Variants in ESF1 observed in about 807,000 individuals in gnomAD.
The protein encoded by ESF1 is ESF1 homolog.
ESF1 carries 58 observed loss-of-function variants against 92.0 expected under a neutral mutation model. That is an observed-to-expected ratio of 0.63 (90% CI 0.51 to 0.78). ESF1 has a LOEUF of 0.78. Among genes scored for constraint, ESF1 ranks in the 30% least tolerant of loss-of-function variants. ESF1 has a pLI of 0.00. For synonymous variants in ESF1, 321 were observed against 313.7 expected, an observed-to-expected ratio of 1.02 and a Z score of -0.24; for missense variants, 922 against 989.1, an observed-to-expected ratio of 0.93 and a Z score of 0.91.
chr20:13,749,789 AC>A (rs1246525223), intron 9 of ESF1, among the ~76,000 whole-genome samples: 1 of 151,486 alleles, frequency 6.6e-6, no homozygotes, highest in East Asian at 2.0e-4. Context: ...CTGGTCTCTA[AC>A]TTCTGACCTC....
rs1217046365 is a variant in ESF1, at chr20:13,738,336, C to A, written c.1829-4494G>T. Among the ~76,000 whole-genome samples the A allele has an allele frequency of 3.5e-5, 5 of 141,182 alleles. No individual in the cohort carries two copies. The Admixed American group carries it at 3.7e-4, about 10-fold the overall frequency. 92.6% of individuals were successfully genotyped at this position (141,182 alleles called of 152,430 possible). A position where few individuals can be genotyped will look rare whatever the true frequency, so the allele number is the denominator to read the frequency against. On this transcript the variant is annotated intron_variant, in intron 9 of 13. Transcript: ENST00000617257. The stretch of plus-strand genomic sequence containing the variant: ...CCTAAACTTTTTTTTTTTTTTGAGA[C>A]AGGGTCTTGCTGTGTTGCCCAGGCT...
At chr20:13,764,334 A>G (rs758012323) in intron 8 of ESF1, among the ~76,000 whole-genome samples, 28 of 152,238 alleles carry the variant, frequency 1.8e-4, no homozygotes, top group Non-Finnish European at 3.7e-4. Context: ...TTGACATGAA[A>G]TTACAACCCG....
At chr20:13,742,086 G>A (rs561753916) in intron 9 of ESF1, among the ~76,000 whole-genome samples, 1 of 152,268 alleles carries the variant, frequency 6.6e-6, no homozygotes, top group African/African-American at 2.4e-5. Context: ...AACATTCATG[G>A]TCAGGTGTGG....
chr20:13,727,640 C>T lies in ESF1; in HGVS notation c.2038+738G>A, dbSNP rs545930575. Among the ~76,000 whole-genome samples the T allele has an allele frequency of 4.6e-5, 7 of 152,186 alleles. No homozygotes were observed. In the South Asian group the frequency reaches 1.4e-3, roughly 32 times the overall value. Reference sequence around the variant, plus strand: ...TTCTGTACTGACTTACCAAGTATGGCCTGAACCTTACCAAACACATTTACA... The same window carrying T: ...TTCTGTACTGACTTACCAAGTATGGTCTGAACCTTACCAAACACATTTACA... On this transcript the variant is annotated intron_variant, in intron 11 of 13. Coordinates refer to ENST00000617257, the MANE Select transcript of ESF1 (RefSeq NM_001276380.2).
intron 9 of ESF1, among the ~76,000 whole-genome samples, chr20:13,748,448 A>G: frequency 7.0e-6 from 1 of 143,816 alleles, no homozygotes; most frequent in Non-Finnish European, 1.5e-5. Context: ...ACACATATAT[A>G]CATATATATA....
chr20:13,780,012 G>A (rs116695256), intron 2 of ESF1, among the ~76,000 whole-genome samples: 2 of 152,156 alleles, frequency 1.3e-5, no homozygotes, highest in African/African-American at 4.8e-5. Flanking sequence ...AAAGGCCCTT[G>A]CACACAGTAA....
intron 9 of ESF1, among the ~76,000 whole-genome samples, chr20:13,744,155 A>G (rs901312334): frequency 2.6e-5 from 4 of 152,234 alleles, no homozygotes. Flanking sequence ...ATAGATTATG[A>G]TTACTCCAAT....
intron 11 of ESF1, among the ~76,000 whole-genome samples, chr20:13,725,792 C>G (rs2049897339): frequency 6.6e-6 from 1 of 152,190 alleles, no homozygotes; most frequent in African/African-American, 2.4e-5. Context: ...TATTTGTACT[C>G]TGATTTCTCT....
At chr20:13,729,947 T>C (rs2049930289) in intron 10 of ESF1, among the ~76,000 whole-genome samples, 1 of 152,202 alleles carries the variant, frequency 6.6e-6, no homozygotes, top group African/African-American at 2.4e-5. Context: ...ATCTAAAACA[T>C]CTCAAGTCAT....
At chr20:13,770,534 G>A (rs1979636155) in intron 6 of ESF1, among the ~76,000 whole-genome samples, 1 of 152,156 alleles carries the variant, frequency 6.6e-6, no homozygotes. Context: ...TTTTTGTAGA[G>A]ACAGGGTCTC....
intron 8 of ESF1, among the ~76,000 whole-genome samples, chr20:13,764,719 C>T (rs981940506): frequency 6.6e-6 from 1 of 152,074 alleles, no homozygotes; most frequent in African/African-American, 2.4e-5. Context: ...GGAAGTGGAT[C>T]ACTGTAAAGG....
rs140966267 is a variant in ESF1 at position 13,775,532 on chromosome 20, A to G, written c.1036-262T>C. On this transcript the variant is annotated intron_variant, in intron 3 of 13. Coordinates refer to ENST00000617257, the MANE Select transcript of ESF1 (RefSeq NM_001276380.2). ...ATCATGAGCTGATTTTTTAACCACC[A>G]AGTTTGTTCAGCTATTTTGCCATGC... Among the ~76,000 whole-genome samples, 164 of 152,278 alleles carry G rather than the reference A, an allele frequency of 1.1e-3. 2 individuals carry two copies. In the East Asian group the frequency reaches 0.029, roughly 27 times the overall value.
At chr20:13,779,464 T>G (rs1203975743) in intron 2 of ESF1, among the ~76,000 whole-genome samples, 2 of 152,240 alleles carry the variant, frequency 1.3e-5, no homozygotes, top group African/African-American at 4.8e-5. Context: ...GGAACCTATT[T>G]TTAAAACTTC....
intron 11 of ESF1, among the ~76,000 whole-genome samples, chr20:13,727,608 C>T (rs1453962656): frequency 6.6e-6 from 1 of 152,132 alleles, no homozygotes; most frequent in Non-Finnish European, 1.5e-5. Flanking sequence ...TAAATCCTTA[C>T]AGTGATTTCT....
chr20:13,767,415 G>C (rs912947314), intron 7 of ESF1, among the ~76,000 whole-genome samples: 4 of 151,920 alleles, frequency 2.6e-5, no homozygotes, highest in African/African-American at 9.7e-5. Flanking sequence ...CAGCTACTTG[G>C]GAGGCTGAGG....
chr20:13,715,966 T>A (rs772039303), intron 13 of ESF1, among the ~76,000 whole-genome samples: 1 of 152,188 alleles, frequency 6.6e-6, no homozygotes, highest in Non-Finnish European at 1.5e-5. Context: ...GAAGGCAGAA[T>A]GACTACAAAT....
At chr20:13,774,027 GGAGCTTGCAGTGAGCC>G (rs1979811338) in intron 4 of ESF1, among the ~76,000 whole-genome samples, 1 of 151,894 alleles carries the variant, frequency 6.6e-6, no homozygotes, top group South Asian at 2.1e-4. Context: ...CCCGGGAGGC[GGAGCTTGCAGTGAGCC>G]GAGATTGCGC....
Position 13,759,697 on chromosome 20 carries a change from A to G in ESF1, c.1823T>C (p.Val608Ala), listed in dbSNP as rs1214402580. 6.3e-7 allele frequency: 1 copy of G among 1,577,500 alleles called. No individual in the cohort carries two copies. The highest frequency in any genetic ancestry group is 2.3e-5 in the East Asian group (1 of 43,792). The stretch of plus-strand genomic sequence containing the variant: ...ATTTAGTATCTAATTCTTACCTGGA[A>G]CCCATTTAATTTCCATTTCCATATC... ...ENDMEMEIKW[V>A]PGLKESAEEM... is the part of the protein sequence containing the mutation. The change falls in exon 9 of 14, where the codon GTT becomes GCT. Residue 608 changes from valine (V) to alanine (A), a missense_variant. By Grantham distance (64) the Val-to-Ala change is moderately conservative (BLOSUM62 0). Transcript: ENST00000617257.
intron 7 of ESF1, among the ~76,000 whole-genome samples, chr20:13,769,296 G>A (rs761655217): frequency 2.0e-5 from 3 of 152,166 alleles, no homozygotes; most frequent in Non-Finnish European, 2.9e-5. Context: ...ATTTATTAGA[G>A]TGTATAGGAA....
Sources: allele counts gnomAD v4.1 joint callset (sites outside exome capture counted in the v4.1 genomes callset), GRCh38; gene constraint gnomAD v4.1.1; transcripts MANE v1.5; gene names NCBI Gene and HGNC (gene_info 2026-07-23, HGNC 2026-07-21).